The following PLSCR2 variants were observed in gnomAD, a reference collection of about 807,000 sequenced individuals.
The protein encoded by PLSCR2 is PL scramblase 2.
A neutral mutation model predicts 25.3 loss-of-function variants in PLSCR2; 18 were observed. The ratio of observed to expected loss-of-function variants is 0.71; its 90% CI spans 0.49 to 1.06. PLSCR2 has a LOEUF of 1.06. PLSCR2 is among the 50% of genes least tolerant of loss of function. PLSCR2 has a pLI of 0.00. For missense variants in PLSCR2, 243 were observed against 269.5 expected (o/e 0.90, Z 0.69); for synonymous variants, 88 against 87.3 (o/e 1.01, Z -0.04).
At chr3:146,479,782 C>T (rs1387527237) in intron 1 of PLSCR2, among the ~76,000 whole-genome samples, 2 of 152,188 alleles carry the variant, frequency 1.3e-5, no homozygotes, top group Non-Finnish European at 2.9e-5. Context: ...GTAGAATATA[C>T]ATTCTTCTCA....
chr3:146,447,096 T>TC (rs1418862500), intron 6 of PLSCR2, among the ~76,000 whole-genome samples: 4 of 151,552 alleles, frequency 2.6e-5, no homozygotes, highest in African/African-American at 4.9e-5. Flanking sequence ...GGCAGCGGGC[T>TC]CCCCCCTGGC....
upstream of PLSCR2, among the ~76,000 whole-genome samples, chr3:146,460,829 T>C (rs1458873476): frequency 3.9e-5 from 6 of 152,326 alleles, no homozygotes; most frequent in Admixed American, 3.9e-4. Flanking sequence ...TCTGGGCCAA[T>C]GGGTTACGAG....
At chr3:146,450,140 T>TA (rs1198658980) in intron 5 of PLSCR2, among the ~76,000 whole-genome samples, 1 of 152,180 alleles carries the variant, frequency 6.6e-6, no homozygotes, top group African/African-American at 2.4e-5. Flanking sequence ...GATGGGCAGG[T>TA]AGTGGCGGAA....
At chr3:146,477,183 G>A (rs1356953809) in intron 1 of PLSCR2, among the ~76,000 whole-genome samples, 1 of 152,166 alleles carries the variant, frequency 6.6e-6, no homozygotes, top group East Asian at 1.9e-4. Context: ...AGAAGATGGG[G>A]GATTTCTGCA....
At chr3:146,441,010 C>T (rs1031072338), downstream of PLSCR2, among the ~76,000 whole-genome samples, 1 of 152,036 alleles carries the variant, frequency 6.6e-6, no homozygotes, top group Admixed American at 6.6e-5. Flanking sequence ...GATAACAATA[C>T]CAAATTTTAG....
intron 8 of PLSCR2, among the ~76,000 whole-genome samples, chr3:146,434,000 C>T (rs971851614): frequency 2.6e-5 from 4 of 152,030 alleles, no homozygotes; most frequent in Non-Finnish European, 5.9e-5. Flanking sequence ...GTTGGCTGTC[C>T]CCTCTCTCAA....
downstream of PLSCR2, among the ~76,000 whole-genome samples, chr3:146,429,092 C>A (rs368439436): frequency 4.6e-5 from 7 of 152,058 alleles, no homozygotes; most frequent in Admixed American, 4.6e-4. Flanking sequence ...TACCTGAGGC[C>A]GAGTAATTTA....
intron 1 of PLSCR2, among the ~76,000 whole-genome samples, chr3:146,487,270 C>T (rs914824393): frequency 1.1e-4 from 17 of 152,106 alleles, no homozygotes; most frequent in African/African-American, 4.1e-4. Context: ...CAAGGATACT[C>T]TCTCTCACTA....
downstream of PLSCR2, among the ~76,000 whole-genome samples, chr3:146,436,948 C>T (rs1001493452): frequency 1.6e-4 from 24 of 152,074 alleles, no homozygotes; most frequent in African/African-American, 5.6e-4. Flanking sequence ...AGATACATCC[C>T]ATCAATATCT....
chr3:146,395,539 C>A (rs2107977530), intron 3 of PLSCR2, among the ~76,000 whole-genome samples: 1 of 152,200 alleles, frequency 6.6e-6, no homozygotes, highest in African/African-American at 2.4e-5. Context: ...TTCATGAAGG[C>A]AAAGGATTTA....
At chr3:146,479,630 A>G (rs2043058235) in intron 1 of PLSCR2, among the ~76,000 whole-genome samples, 1 of 152,190 alleles carries the variant, frequency 6.6e-6, no homozygotes, top group Non-Finnish European at 1.5e-5. Flanking sequence ...CCCACACAAT[A>G]ATAATGGGAG....
intron 5 of PLSCR2, among the ~76,000 whole-genome samples, chr3:146,451,107 C>CTTTTTTTTTTTTTTTTTTTT (rs58373001): frequency 1.3e-5 from 1 of 79,482 alleles, no homozygotes. Flanking sequence ...ATTAAGTTTT[C>CTTTTTTTTTTTTTTTTTTTT]TTTTTTTTTT....
intron 2 of PLSCR2, among the ~76,000 whole-genome samples, chr3:146,406,879 T>C (rs1011014489): frequency 6.6e-6 from 1 of 152,102 alleles, no homozygotes. Context: ...AGGAATTGGA[T>C]TGGGATGGGT....
rs184681967 is a variant in PLSCR2, at chr3:146,453,824, C to T, written c.483+178G>A. Reference sequence around the variant, plus strand: ...TTCTCTTTTATCCATTTATCATTATCAATATTGACCTTTAGTCAGTAATAA... The same window carrying T: ...TTCTCTTTTATCCATTTATCATTATTAATATTGACCTTTAGTCAGTAATAA... On this transcript the variant is annotated intron_variant, in intron 5 of 6. Transcript: ENST00000610787. Among the ~76,000 whole-genome samples, 25 of 152,218 alleles carry T rather than the reference C, an allele frequency of 1.6e-4. No homozygotes were observed. The East Asian group carries it at 4.8e-3, about 29-fold the overall frequency.
intron 4 of PLSCR2, 120 bp from the exon 5 acceptor site, chr3:146,454,283 CT>C (rs1166701904): frequency 6.7e-4 from 402 of 596,746 alleles, no homozygotes; most frequent in South Asian, 1.4e-3. Context: ...CTTCCTAGGA[CT>C]TTTTTTTTAA....
intron 2 of PLSCR2, among the ~76,000 whole-genome samples, chr3:146,424,248 G>A (rs1032230982): frequency 6.6e-6 from 1 of 151,846 alleles, no homozygotes; most frequent in Non-Finnish European, 1.5e-5. Context: ...CTTGGTGCTT[G>A]TGCCCAGAAA....
intron 8 of PLSCR2, among the ~76,000 whole-genome samples, chr3:146,434,957 T>C (rs1197959519): frequency 1.5e-5 from 2 of 132,110 alleles, no homozygotes; most frequent in African/African-American, 5.6e-5. Flanking sequence ...GTGTGTGATG[T>C]TCCCCATCCT....
At chr3:146,395,330 T>C (rs984348062) in intron 3 of PLSCR2, among the ~76,000 whole-genome samples, 3 of 152,316 alleles carry the variant, frequency 2.0e-5, no homozygotes, top group South Asian at 4.1e-4. Flanking sequence ...GAGATTAGAA[T>C]TAAAATGTTT....
At chr3:146,428,572 C>A (rs1469775017), downstream of PLSCR2, among the ~76,000 whole-genome samples, 3 of 152,188 alleles carry the variant, frequency 2.0e-5, no homozygotes, top group East Asian at 5.8e-4. Context: ...GCTTATCATT[C>A]TATAGCCCTC....
Sources: allele counts gnomAD v4.1 joint callset (sites outside exome capture counted in the v4.1 genomes callset), GRCh38; gene constraint gnomAD v4.1.1; transcripts MANE v1.5; gene names NCBI Gene and HGNC (gene_info 2026-07-23, HGNC 2026-07-21).